ALK: variants seen among roughly 807,000 people sequenced by gnomAD.
The protein encoded by ALK is ALK tyrosine kinase receptor.
ALK carries 74 observed loss-of-function variants against 163.1 expected under a neutral mutation model. That is an observed-to-expected ratio of 0.45 (90% CI 0.38 to 0.55). ALK has a LOEUF of 0.55. Ranked by LOEUF, ALK falls within the 20% of genes least tolerant of loss-of-function variation. ALK has a pLI of 0.00. For synonymous variants in ALK, 960 were observed against 843.2 expected, an observed-to-expected ratio of 1.14 and a Z score of -2.40; for missense variants, 2,063 against 2,105.3, an observed-to-expected ratio of 0.98 and a Z score of 0.39.
chr2:29,802,826 G>C (rs904115431), intron 1 of ALK, among the ~76,000 whole-genome samples: 6 of 146,178 alleles, frequency 4.1e-5, no homozygotes, highest in Admixed American at 1.4e-4. Flanking sequence ...TTATAATAAT[G>C]AGGAGAAGGA....
At chr2:29,744,314 G>A (rs1287794891) in intron 1 of ALK, among the ~76,000 whole-genome samples, 2 of 152,198 alleles carry the variant, frequency 1.3e-5, no homozygotes, top group African/African-American at 4.8e-5. Context: ...AGACACTATG[G>A]CAGGGGGTGG....
intron 1 of ALK, among the ~76,000 whole-genome samples, chr2:29,914,928 T>A (rs1005986075): frequency 6.6e-6 from 1 of 152,258 alleles, no homozygotes; most frequent in African/African-American, 2.4e-5. Context: ...TGGAAAAATA[T>A]GGTCTGGATT....
At chr2:29,706,975 A>ATATGTG (rs1291124655) in intron 2 of ALK, among the ~76,000 whole-genome samples, 4 of 102,726 alleles carry the variant, frequency 3.9e-5, no homozygotes, top group African/African-American at 3.5e-5. Context: ...CTCATGCAGA[A>ATATGTG]TGTGTGTGTG....
chr2:29,223,592 C>T (rs1669870970), intron 19 of ALK, 64 bp from the exon 20 acceptor site: 1 of 1,552,300 alleles, frequency 6.4e-7, no homozygotes, highest in Non-Finnish European at 8.8e-7. Context: ...CTACACAGGC[C>T]ACTTCCTACA....
rs186022779 is a variant in ALK, at chr2:29,505,516, G to A, written c.1154+26399C>T. ...AGCACTCCTGGTTCCATCAGGTTCT[G>A]GGGAGCTTAGGGGGAGTTCTACGTT... On this transcript the variant is annotated intron_variant, in intron 4 of 28. Transcript: ENST00000389048. Among the ~76,000 whole-genome samples, 11 of 152,264 alleles carry A rather than the reference G, an allele frequency of 7.2e-5. No individual in the cohort carries two copies. The South Asian group carries it at 1.0e-3, about 14-fold the overall frequency.
Position 29,341,183 on chromosome 2 carries a change from T to C in ALK, c.1283-12702A>G, listed in dbSNP as rs75632875. Among the ~76,000 whole-genome samples, 717 of 152,374 alleles carry C rather than the reference T, an allele frequency of 4.7e-3. 7 individuals carry two copies. Among genetic ancestry groups the C allele is most frequent in the African/African-American group, 0.017 (692 of 41,588 alleles). Reference sequence around the variant, plus strand: ...GACTTCCACATAGCCCCAACTCCTGTGGCTATGTGTGTACAAAGCTGGCAT... The same window carrying C: ...GACTTCCACATAGCCCCAACTCCTGCGGCTATGTGTGTACAAAGCTGGCAT... On this transcript the variant is annotated intron_variant, in intron 5 of 28. Coordinates refer to ENST00000389048, the MANE Select transcript of ALK (RefSeq NM_004304.5).
chr2:29,618,158 G>C (rs1370490179), intron 3 of ALK, among the ~76,000 whole-genome samples: 1 of 152,188 alleles, frequency 6.6e-6, no homozygotes, highest in Non-Finnish European at 1.5e-5. Context: ...AATCAAACCA[G>C]CCTTTTGTCA....
At chr2:29,636,957 C>T (rs1676552484) in intron 3 of ALK, among the ~76,000 whole-genome samples, 1 of 152,166 alleles carries the variant, frequency 6.6e-6, no homozygotes, top group Admixed American at 6.6e-5. Context: ...GATAAGGATT[C>T]AGAGAAACTA....
intron 4 of ALK, among the ~76,000 whole-genome samples, chr2:29,515,221 C>T (rs572013652): frequency 6.6e-6 from 1 of 152,300 alleles, no homozygotes; most frequent in African/African-American, 2.4e-5. Context: ...TCCCCTGAGC[C>T]CCTGGCCTAG....
At chr2:29,872,679 C>T (rs555482026) in intron 1 of ALK, among the ~76,000 whole-genome samples, 2 of 152,322 alleles carry the variant, frequency 1.3e-5, no homozygotes, top group South Asian at 4.1e-4. Flanking sequence ...TTTTGAAGTA[C>T]AGTTTCTACT....
At chr2:29,760,595 A>G (rs759515148) in intron 1 of ALK, among the ~76,000 whole-genome samples, 31 of 152,256 alleles carry the variant, frequency 2.0e-4, no homozygotes, top group African/African-American at 3.4e-4. Context: ...TTAAGCCCCA[A>G]TCTTTGCTAA....
chr2:29,592,727 C>T (rs114594275), intron 3 of ALK, among the ~76,000 whole-genome samples: 1 of 152,178 alleles, frequency 6.6e-6, no homozygotes, highest in Non-Finnish European at 1.5e-5. Context: ...TGTGTGGTAA[C>T]AGCGTCTTTG....
chr2:29,232,764 C>CAGCA (rs1228830892), intron 14 of ALK, among the ~76,000 whole-genome samples: 1 of 152,204 alleles, frequency 6.6e-6, no homozygotes, highest in East Asian at 1.9e-4. Context: ...CCTGAAGCTC[C>CAGCA]TTAGACTGGC....
At chr2:29,701,306 C>T (rs920028276) in intron 2 of ALK, among the ~76,000 whole-genome samples, 1 of 152,170 alleles carries the variant, frequency 6.6e-6, no homozygotes, top group Non-Finnish European at 1.5e-5. Context: ...GGGTCAGTTT[C>T]AAGGTAGAGG....
chr2:29,609,380 G>A (rs183782501), intron 3 of ALK, among the ~76,000 whole-genome samples: 3 of 152,240 alleles, frequency 2.0e-5, no homozygotes, highest in East Asian at 3.9e-4. Context: ...ATAGCAAGTC[G>A]GGAGAGGCAG....
intron 4 of ALK, among the ~76,000 whole-genome samples, chr2:29,468,853 C>CAAAAA (rs70958265): frequency 3.6e-4 from 11 of 30,920 alleles, no homozygotes; most frequent in African/African-American, 1.0e-3. Flanking sequence ...GACCCTGCCT[C>CAAAAA]AAAAAAAAAA....
At chr2:29,273,714 T>C (rs1665455525) in intron 11 of ALK, among the ~76,000 whole-genome samples, 1 of 152,200 alleles carries the variant, frequency 6.6e-6, no homozygotes, top group Admixed American at 6.5e-5. Context: ...CAGGGGGCTA[T>C]GGCTATGTTT....
intron 3 of ALK, 115 bp downstream of exon 3, chr2:29,694,735 A>G (rs1326934789): frequency 7.4e-7 from 1 of 1,359,748 alleles, no homozygotes; most frequent in South Asian, 1.2e-5. Flanking sequence ...TATTAAAAGC[A>G]GGTTTCAAAG....
At chr2:29,672,707 C>A (rs1056896217) in intron 3 of ALK, among the ~76,000 whole-genome samples, 8 of 152,142 alleles carry the variant, frequency 5.3e-5, no homozygotes, top group Middle Eastern at 3.4e-3. Flanking sequence ...TGGGATGGCT[C>A]GGTCAAATGG....
Sources: gnomAD v4.1 joint callset for allele counts (sites outside exome capture counted in the v4.1 genomes callset) on GRCh38, gnomAD v4.1.1 for gene constraint, MANE v1.5 for transcripts, NCBI Gene and HGNC (gene_info 2026-07-23, HGNC 2026-07-21) for gene names.